The following CLIP2 variants were observed in gnomAD, a reference collection of about 807,000 sequenced individuals.
CLIP2 encodes CAP-Gly domain containing linker protein 2.
CLIP2 carries 41 observed loss-of-function variants against 111.7 expected under a neutral mutation model. That is an observed-to-expected ratio of 0.37 (90% CI 0.29 to 0.48). CLIP2 has a LOEUF of 0.48. CLIP2 is among the 20% of genes least tolerant of loss of function. The pLI, the probability that CLIP2 is intolerant of heterozygous loss-of-function variation, is 0.99. For synonymous variants in CLIP2, 660 were observed against 644.2 expected (o/e 1.02, Z -0.37); for missense variants, 1,160 against 1,422.1 (o/e 0.82, Z 2.96).
Position 74,389,185 on chromosome 7 carries a change from G to A in CLIP2, c.2646G>A (p.Glu882=). ...KEKRRLEAEL[E]TVSRKTHDAS... Reference sequence around the variant, plus strand: ...AGCGGCGCCTGGAGGCAGAGCTGGAGACCGTGTCCCGGAAGACCCATGACG... The same window carrying A: ...AGCGGCGCCTGGAGGCAGAGCTGGAAACCGTGTCCCGGAAGACCCATGACG... The change falls in exon 13 of 17, where the codon GAG becomes GAA. Residue 882 remains glutamate (E), a synonymous_variant. Transcript: ENST00000223398. 1.9e-6 allele frequency: 3 copies of A among 1,613,698 alleles called. No homozygotes were observed. The highest frequency in any genetic ancestry group is 2.5e-6 in the Non-Finnish European group (3 of 1,179,922).
chr7:74,396,209 C>T (rs1282678422), intron 13 of CLIP2, among the ~76,000 whole-genome samples: 1 of 152,126 alleles, frequency 6.6e-6, no homozygotes, highest in Non-Finnish European at 1.5e-5. Flanking sequence ...CCAGGTAGAT[C>T]CTGTCAGTTG....
chr7:74,371,243 CAA>C (rs781898485), intron 8 of CLIP2, among the ~76,000 whole-genome samples: 34 of 61,636 alleles, frequency 5.5e-4, no homozygotes, highest in East Asian at 1.6e-3. Context: ...AACTATGCCT[CAA>C]AAAAAAAAAA....
intron 13 of CLIP2, among the ~76,000 whole-genome samples, chr7:74,393,479 G>A (rs1231437661): frequency 6.6e-6 from 1 of 152,032 alleles, no homozygotes; most frequent in East Asian, 1.9e-4. Flanking sequence ...TGGGATTACA[G>A]GCATGTGCCA....
At chr7:74,339,390 C>T (rs1789589613) in intron 3 of CLIP2, among the ~76,000 whole-genome samples, 1 of 152,014 alleles carries the variant, frequency 6.6e-6, no homozygotes, top group South Asian at 2.1e-4. Context: ...ACTGTAACCT[C>T]CACCTCCCAG....
intron 3 of CLIP2, among the ~76,000 whole-genome samples, chr7:74,350,784 T>A (rs1160538272): frequency 6.6e-6 from 1 of 151,816 alleles, no homozygotes; most frequent in African/African-American, 2.4e-5. Context: ...GGAGGATCAC[T>A]TGAACTCAGG....
intron 1 of CLIP2, among the ~76,000 whole-genome samples, chr7:74,296,815 A>G (rs1788182290): frequency 6.6e-6 from 1 of 151,342 alleles, no homozygotes; most frequent in East Asian, 1.9e-4. Flanking sequence ...AGAGAAAAGA[A>G]AAAGAAACCA....
At chr7:74,356,016 C>T (rs782513884) in intron 4 of CLIP2, among the ~76,000 whole-genome samples, 2 of 152,162 alleles carry the variant, frequency 1.3e-5, no homozygotes, top group Non-Finnish European at 2.9e-5. Flanking sequence ...AGCTTTGCTG[C>T]GTAACCAGCT....
rs781930569 is a variant in CLIP2, at chr7:74,376,800, T to C, written c.2399T>C (p.Leu800Pro). Residue 800 changes from leucine to proline, a missense_variant, in exon 10 of 17, where the codon CTG (leucine) becomes CCG (proline). By Grantham distance (98) the Leu-to-Pro change is moderately conservative (BLOSUM62 -3). Coordinates refer to ENST00000223398, the MANE Select transcript of CLIP2 (RefSeq NM_003388.5). This position sits in a 1 kb window ranked among gnomAD's most constrained non-coding sequence, Gnocchi z 7.1. ...AENRLQAVEALCSSQHTHMIE... is the reference protein window; with the variant it reads ...AENRLQAVEAPCSSQHTHMIE... ...AACAGACTCCAGGCGGTCGAGGCCC[T>C]GTGCTCCTCCCAGCACACCCACGTA... The C allele has an allele frequency of 3.7e-5, 60 of 1,602,368 alleles. 1 individual carries two copies. The South Asian group carries it at 6.4e-4, about 17-fold the overall frequency.
intron 4 of CLIP2, among the ~76,000 whole-genome samples, chr7:74,355,564 C>T (rs969317576): frequency 6.6e-6 from 1 of 152,056 alleles, no homozygotes; most frequent in African/African-American, 2.4e-5. Context: ...GAGCTATGAT[C>T]GCACCGCTGC....
At chr7:74,343,738 CAAAA>C (rs34002172) in intron 3 of CLIP2, among the ~76,000 whole-genome samples, 4 of 136,426 alleles carry the variant, frequency 2.9e-5, no homozygotes, top group Non-Finnish European at 1.5e-5. Context: ...ACTAAAAATA[CAAAA>C]AAAAAAAAAA....
At chr7:74,396,460 ATG>A (rs141831013) in intron 13 of CLIP2, among the ~76,000 whole-genome samples, 24,446 of 151,040 alleles carry the variant, frequency 0.16, 2,142 homozygotes, top group Middle Eastern at 0.19. Flanking sequence ...TTTTGGGGTT[ATG>A]TGTGTGTGTG....
At chr7:74,375,347 G>C (rs992437068) in intron 9 of CLIP2, among the ~76,000 whole-genome samples, 2 of 151,496 alleles carry the variant, frequency 1.3e-5, no homozygotes, top group Non-Finnish European at 2.9e-5. Context: ...CTAGGAGTTC[G>C]AGACCAGCCT....
At chr7:74,297,997 C>T (rs1293915518) in intron 1 of CLIP2, among the ~76,000 whole-genome samples, 1 of 151,792 alleles carries the variant, frequency 6.6e-6, no homozygotes, top group African/African-American at 2.4e-5. Context: ...GGGTGCTGTC[C>T]TAGGTACCGA....
chr7:74,294,073 C>T (rs782168934), intron 1 of CLIP2, among the ~76,000 whole-genome samples: 8 of 152,098 alleles, frequency 5.3e-5, no homozygotes, highest in Non-Finnish European at 7.4e-5. Context: ...CGCGCCACCA[C>T]GCCTGGCTAA....
intron 1 of CLIP2, among the ~76,000 whole-genome samples, chr7:74,312,697 C>T (rs1211022814): frequency 9.9e-5 from 15 of 152,232 alleles, no homozygotes; most frequent in African/African-American, 2.9e-4. Context: ...CCAGAATTCC[C>T]GGGGCACCAG....
chr7:74,386,563 C>T lies in CLIP2; in HGVS notation c.2522C>T (p.Ala841Val), dbSNP rs1791106270. Residue 841 changes from alanine (A) to valine (V), a missense_variant, in exon 12 of 17, where the codon GCC becomes GTC. By Grantham distance (64) the Ala-to-Val change is moderately conservative. Coordinates refer to ENST00000223398, the MANE Select transcript of CLIP2 (RefSeq NM_003388.5). ...AACAAGAGGGACAAAGAGGTGACAG[C>T]CTTGACCTCCCAGACCGAGATGCTC... Reference protein sequence around the residue: ...KLNKRDKEVTALTSQTEMLRA... With the variant: ...KLNKRDKEVTVLTSQTEMLRA... The T allele has an allele frequency of 1.2e-6, 2 of 1,611,078 alleles. No homozygotes were observed. Among genetic ancestry groups the T allele is most frequent in the Non-Finnish European group, 1.7e-6 (2 of 1,178,800 alleles).
intron 11 of CLIP2, among the ~76,000 whole-genome samples, chr7:74,384,189 CAAACAACAACAACGA>C: frequency 6.6e-6 from 1 of 151,838 alleles, no homozygotes; most frequent in Admixed American, 6.6e-5. Context: ...GACTCCATCT[CAAACAACAACAACGA>C]CAACAAAACA....
In CLIP2 at chr7:74,402,137, CT is replaced by C. The variant is rs557070656; in HGVS notation, c.3129+571del. ...GGTCAGGAGATCAAGACCATCCTGG[CT>C]ACCACGGTGAAACCCCATCTCTACT... On this transcript the variant is annotated intron_variant, in intron 16 of 16. Coordinates refer to ENST00000223398, the MANE Select transcript of CLIP2 (RefSeq NM_003388.5). Among the ~76,000 whole-genome samples, 89 of 151,996 alleles carry C rather than the reference CT, an allele frequency of 5.9e-4. 1 individual carries two copies. Among genetic ancestry groups the C allele is most frequent in the African/African-American group, 2.1e-3 (86 of 41,470 alleles).
chr7:74,401,720 C>A, intron 16 of CLIP2, 153 bp downstream of exon 16: 1 of 771,476 alleles, frequency 1.3e-6, no homozygotes, highest in Non-Finnish European at 2.2e-6. Context: ...TGCAGGCAAA[C>A]TTGATTCCAG....
Sources: allele counts gnomAD v4.1 joint callset (sites outside exome capture counted in the v4.1 genomes callset), GRCh38; gene constraint gnomAD v4.1.1; non-coding constraint Gnocchi (gnomAD v3.1); transcripts MANE v1.5; gene names NCBI Gene and HGNC (gene_info 2026-07-23, HGNC 2026-07-21).